Variants in PAWR observed in about 807,000 individuals in gnomAD.
The protein encoded by PAWR is pro-apoptotic WT1 regulator, also known as PRKC apoptosis WT1 regulator protein.
Under a neutral mutation model 32.0 loss-of-function variants are expected in PAWR, and 23 were observed. The observed-to-expected ratio is 0.72, with a 90% CI of 0.52 to 1.02. The LOEUF (loss-of-function observed/expected upper bound fraction) is 1.02, where lower values mean the gene tolerates loss of function less well. PAWR is among the 50% of genes least tolerant of loss of function. PAWR has a pLI of 0.00. For missense variants in PAWR, 457 were observed against 437.7 expected, an observed-to-expected ratio of 1.04 and a Z score of -0.39; for synonymous variants, 226 against 187.1, an observed-to-expected ratio of 1.21 and a Z score of -1.70.
At chr12:79,630,641 A>G (rs1875572350) in intron 2 of PAWR, among the ~76,000 whole-genome samples, 4 of 152,096 alleles carry the variant, frequency 2.6e-5, no homozygotes, top group Admixed American at 1.3e-4. Context: ...AAATTGACAA[A>G]TTCCGTGAAA....
chr12:79,615,832 G>A lies in PAWR; in HGVS notation c.649-2223C>T, dbSNP rs907235491. ...AGCACTTTGGGAGGCTGAGGGGAGT[G>A]GATCACTTGAGCCCTGGAAGTCAAA... On this transcript the variant is annotated intron_variant, in intron 3 of 6. Coordinates refer to ENST00000328827, the MANE Select transcript of PAWR (RefSeq NM_002583.4). 1.1e-4 allele frequency among the ~76,000 whole-genome samples: 16 copies of A among 152,094 alleles called. No individual in the cohort carries two copies. In the South Asian group the frequency reaches 2.9e-3, roughly 28 times the overall value.
Position 79,621,155 on chromosome 12 carries a change from T to C in PAWR, c.569A>G (p.Glu190Gly), listed in dbSNP as rs1386331411. Residue 190 changes from glutamate to glycine, a missense_variant, in exon 3 of 7, where the codon GAA becomes GGA. Transcript: ENST00000328827. ...DEAGQKERKR[E>G]DAITQQNTIQ... ...AGTGTTCTGTTGTGTAATTGCATCT[T>C]CTCGTTTCCGCTCTTTCTGCCCTGC... 3 of 1,611,514 alleles carry C rather than the reference T, an allele frequency of 1.9e-6. No individual in the cohort carries two copies. The highest frequency in any genetic ancestry group is 2.5e-6 in the Non-Finnish European group (3 of 1,178,672).
At chr12:79,652,712 C>G (rs1876905469) in intron 2 of PAWR, among the ~76,000 whole-genome samples, 1 of 152,172 alleles carries the variant, frequency 6.6e-6, no homozygotes, top group Non-Finnish European at 1.5e-5. Context: ...GGCAGGGACA[C>G]TGTGCATTCC....
rs1230371040 is a variant in PAWR, at chr12:79,589,059, A to C, written c.*3548T>G. On this transcript the variant is annotated 3_prime_UTR_variant, in exon 7 of 7. Transcript: ENST00000328827. ...CTTAGAGACTGTAATTGGGAATACA[A>C]TCCTATAACAAGTTATTAACAATAT... 1 of 152,014 alleles carries C rather than the reference A, an allele frequency of 6.6e-6. No individual in the cohort carries two copies. The highest frequency in any genetic ancestry group is 1.5e-5 in the Non-Finnish European group (1 of 67,886). The allele number at this position is 152,014 out of a possible 1,614,324, so 9.4% of individuals were successfully genotyped here.
At position 79,642,207 on chromosome 12, in the gene PAWR, G is replaced by A. The variant is rs115777114; in HGVS notation, c.517-21000C>T. The stretch of plus-strand genomic sequence containing the variant: ...GCTTAATAGATAAGACTACATACAA[G>A]AAAATTAGTATTTCTTGAAAGCTAT... On this transcript the variant is annotated intron_variant, in intron 2 of 6. Transcript: ENST00000328827. Among the ~76,000 whole-genome samples, 324 of 152,178 alleles carry A rather than the reference G, an allele frequency of 2.1e-3. 2 individuals are homozygous for A. The highest frequency in any genetic ancestry group is 7.6e-3 in the African/African-American group (316 of 41,520).
rs1188806230 is a variant in PAWR, at chr12:79,621,129, T to C, written c.595A>G (p.Ile199Val). 6 of 1,607,888 alleles carry C rather than the reference T, an allele frequency of 3.7e-6. No individual in the cohort carries two copies. In the South Asian group the frequency reaches 4.4e-5, roughly 12 times the overall value. The change falls in exon 3 of 7, where the codon ATT becomes GTT. Residue 199 changes from isoleucine (I) to valine (V), a missense_variant. Ile to Val is a conservative substitution (Grantham distance 29, BLOSUM62 3). Transcript: ENST00000328827. ...AGTAAGTTTACAGCTTCATTCTGAA[T>C]AGTGTTCTGTTGTGTAATTGCATCT... ...REDAITQQNT[I>V]QNEAVNLLDP...
intron 3 of PAWR, among the ~76,000 whole-genome samples, chr12:79,615,665 A>G (rs1480550018): frequency 1.3e-5 from 2 of 152,184 alleles, no homozygotes; most frequent in African/African-American, 4.8e-5. Flanking sequence ...CAGATCCCCT[A>G]TTTATTTAGA....
intron 2 of PAWR, among the ~76,000 whole-genome samples, chr12:79,628,734 T>G (rs1456887288): frequency 6.6e-6 from 1 of 152,102 alleles, no homozygotes; most frequent in Non-Finnish European, 1.5e-5. Flanking sequence ...GGTCAATACA[T>G]GAATAAATAT....
At chr12:79,643,070 G>A (rs1876406056) in intron 2 of PAWR, among the ~76,000 whole-genome samples, 1 of 151,944 alleles carries the variant, frequency 6.6e-6, no homozygotes, top group African/African-American at 2.4e-5. Context: ...TATTACAAAG[G>A]CAAATCTTGC....
Position 79,689,817 on chromosome 12 carries a change from C to T in PAWR, c.428G>A (p.Ser143Asn). ...GATCTGCCCCTTGCCTTTCCTGGCA[C>T]TGGGGCCCGAGCTCTTGCCCTTCTC... ...VPEKGKSSGPSARKGKGQIEK... is the reference protein window; with the variant it reads ...VPEKGKSSGPNARKGKGQIEK... The change falls in exon 2 of 7, where the codon AGT becomes AAT. Residue 143 changes from serine to asparagine, a missense_variant. Transcript: ENST00000328827. 6.3e-7 allele frequency: 1 copy of T among 1,595,204 alleles called. No individual in the cohort carries two copies. Among genetic ancestry groups the T allele is most frequent in the Non-Finnish European group, 8.5e-7 (1 of 1,171,812 alleles).
rs1177705125 is a variant in PAWR, at chr12:79,587,155, C to T, written c.*5452G>A. Reference sequence around the variant, plus strand: ...TTCCATTTCATGTAAGATTATGTGACCTTGGAAAAATTTACTGGCTTGCTA... The same window carrying T: ...TTCCATTTCATGTAAGATTATGTGATCTTGGAAAAATTTACTGGCTTGCTA... On this transcript the variant is annotated 3_prime_UTR_variant, in exon 7 of 7. Coordinates refer to ENST00000328827, the MANE Select transcript of PAWR (RefSeq NM_002583.4). 6.6e-6 allele frequency: 1 copy of T among 151,918 alleles called. No homozygotes were observed. Among genetic ancestry groups the T allele is most frequent in the Non-Finnish European group, 1.5e-5 (1 of 67,922 alleles). The allele number at this position is 151,918 out of a possible 1,614,324, so 9.4% of individuals were successfully genotyped here. A position where few individuals can be genotyped will look rare whatever the true frequency, so the allele number is the denominator to read the frequency against.
chr12:79,630,792 A>T (rs962654576), intron 2 of PAWR, among the ~76,000 whole-genome samples: 1 of 151,854 alleles, frequency 6.6e-6, no homozygotes, highest in Admixed American at 6.6e-5. Context: ...CTGTTCACAA[A>T]TTCTTCTAGA....
intron 2 of PAWR, among the ~76,000 whole-genome samples, chr12:79,654,077 A>G (rs913408036): frequency 1.3e-5 from 2 of 152,206 alleles, no homozygotes; most frequent in Admixed American, 6.5e-5. Context: ...ACATGTTAAA[A>G]CAGCTGCTGT....
At chr12:79,609,097 T>C (rs1309340838) in intron 4 of PAWR, among the ~76,000 whole-genome samples, 3 of 152,078 alleles carry the variant, frequency 2.0e-5, no homozygotes, top group Non-Finnish European at 4.4e-5. Context: ...GGGGCAATTA[T>C]ACAGAAAATG....
chr12:79,623,559 T>C (rs561899500), intron 2 of PAWR, among the ~76,000 whole-genome samples: 29 of 152,206 alleles, frequency 1.9e-4, no homozygotes, highest in Admixed American at 1.2e-3. Flanking sequence ...GTAACATCAA[T>C]AGCCAGTTAC....
rs59152885 is a variant in PAWR at position 79,632,132 on chromosome 12, C to CAAAAAAAA, written c.517-10933_517-10926dup. Reference sequence around the variant, plus strand: ...TGGGTGACAGAGCAAGACTCTGTCTCAAAAAAAAAAAAAAAAAAATACAAC... The same window carrying CAAAAAAAA: ...TGGGTGACAGAGCAAGACTCTGTCTCAAAAAAAAAAAAAAAAAAAAAAAAAAATACAAC... On this transcript the variant is annotated intron_variant, in intron 2 of 6. Coordinates refer to ENST00000328827, the MANE Select transcript of PAWR (RefSeq NM_002583.4). 55 of 50,910 alleles carry CAAAAAAAA rather than the reference C, an allele frequency of 1.1e-3. 1 individual carries two copies. The highest frequency in any genetic ancestry group is 3.5e-3 in the African/African-American group (54 of 15,286). 3.2% of individuals were successfully genotyped at this position (50,910 alleles called of 1,614,324 possible).
rs1432349465 is a variant in PAWR, at chr12:79,586,145, C to T, written c.*6462G>A. 3 of 152,184 alleles carry T rather than the reference C, an allele frequency of 2.0e-5. No individual in the cohort carries two copies. The highest frequency in any genetic ancestry group is 4.8e-5 in the African/African-American group (2 of 41,440). 9.4% of individuals were successfully genotyped at this position (152,184 alleles called of 1,614,324 possible). A position where few individuals can be genotyped will look rare whatever the true frequency, so the allele number is the denominator to read the frequency against. On this transcript the variant is annotated 3_prime_UTR_variant, in exon 7 of 7. Coordinates refer to ENST00000328827, the MANE Select transcript of PAWR (RefSeq NM_002583.4). Reference sequence around the variant, plus strand: ...TGTCCTAAGCCATCCATACACAAAACGTTTAATGTGTTATGGAAGGCTAAC... The same window carrying T: ...TGTCCTAAGCCATCCATACACAAAATGTTTAATGTGTTATGGAAGGCTAAC...
At position 79,664,662 on chromosome 12, in the gene PAWR, G is replaced by GC. The variant is rs375870355; in HGVS notation, c.516+25066_516+25067insG. 2.5e-4 allele frequency among the ~76,000 whole-genome samples: 36 copies of GC among 146,322 alleles called. 2 individuals carry two copies. Among genetic ancestry groups the GC allele is most frequent in the African/African-American group, 2.6e-4 (10 of 38,414 alleles). On this transcript the variant is annotated intron_variant, in intron 2 of 6. Transcript: ENST00000328827. ...AGGACAAAGTAGACTCTTTGGCGGG[G>GC]GGGGGAGGAGAGAGAGAGAGTGGTC... is the stretch of plus-strand genomic sequence containing the variant.
intron 3 of PAWR, among the ~76,000 whole-genome samples, chr12:79,614,941 C>T (rs978304284): frequency 1.3e-5 from 2 of 152,204 alleles, no homozygotes; most frequent in African/African-American, 4.8e-5. Flanking sequence ...TCAGTGTCTA[C>T]TGATCTCTAA....
Sources: gnomAD v4.1 joint callset for allele counts (sites outside exome capture counted in the v4.1 genomes callset) on GRCh38, gnomAD v4.1.1 for gene constraint, MANE v1.5 for transcripts, NCBI Gene and HGNC (gene_info 2026-07-23, HGNC 2026-07-21) for gene names.